Variants in TENM3 observed in about 807,000 individuals in gnomAD.
TENM3 encodes the protein teneurin transmembrane protein 3.
In TENM3, 63 loss-of-function variants were observed where a neutral mutation model predicts 255.1. The observed-to-expected ratio is 0.25, with a 90% CI of 0.20 to 0.30. TENM3 has a LOEUF of 0.30. TENM3 is among the 10% of genes least tolerant of loss of function. TENM3 has a pLI of 1.00. For missense variants in TENM3, 2,929 were observed against 3,461.1 expected (o/e 0.85, Z 3.86); for synonymous variants, 1,306 against 1,322.3 (o/e 0.99, Z 0.27).
the TENM3 span, among the ~76,000 whole-genome samples, chr4:181,500,822 C>T: frequency 2.0e-5 from 3 of 152,166 alleles, no homozygotes; most frequent in African/African-American, 7.2e-5. Flanking sequence ...CTAGAAACTG[C>T]TTGGTGTTTC....
the TENM3 span, among the ~76,000 whole-genome samples, chr4:181,574,399 C>T: frequency 2.6e-5 from 4 of 151,770 alleles, no homozygotes; most frequent in Non-Finnish European, 5.9e-5. Flanking sequence ...GGCGCGGTGG[C>T]GGGCGCCTGT....
the TENM3 span, among the ~76,000 whole-genome samples, chr4:181,995,810 A>T: frequency 2.0e-5 from 3 of 152,194 alleles, no homozygotes; most frequent in African/African-American, 7.2e-5. Flanking sequence ...TTCAGGATCC[A>T]AAACCAGATC....
At chr4:182,085,582 T>C in the TENM3 span, among the ~76,000 whole-genome samples, 4 of 152,328 alleles carry the variant, frequency 2.6e-5, no homozygotes, top group Admixed American at 1.3e-4. Context: ...TCTATTAATA[T>C]TTTTTCTTCA....
intron 1 of TENM3, among the ~76,000 whole-genome samples, chr4:182,214,596 G>A (rs1165227169): frequency 2.6e-5 from 4 of 151,550 alleles, no homozygotes; most frequent in Admixed American, 1.3e-4. Context: ...CACCTCCTGG[G>A]CTCAAGTGAT....
chr4:182,600,733 C>G (rs923705575), intron 3 of TENM3, among the ~76,000 whole-genome samples, 191 bp from the exon 4 acceptor site: 1 of 151,922 alleles, frequency 6.6e-6, no homozygotes, highest in Non-Finnish European at 1.5e-5. Flanking sequence ...CAAGGGTAAA[C>G]TTGCTCTTAG....
intron 3 of TENM3, among the ~76,000 whole-genome samples, chr4:182,347,839 T>C (rs1239409920): frequency 1.3e-5 from 2 of 152,234 alleles, no homozygotes; most frequent in African/African-American, 4.8e-5. Context: ...ATTAATGCTA[T>C]GCATATCCTA....
chr4:181,689,532 T>C, the TENM3 span, among the ~76,000 whole-genome samples: 1 of 152,144 alleles, frequency 6.6e-6, no homozygotes, highest in African/African-American at 2.4e-5. Flanking sequence ...CGGGGTACAA[T>C]TCTGGTGAAG....
chr4:182,680,822 CTT>C (rs777478431), intron 10 of TENM3, 85 bp downstream of exon 10: 13 of 1,030,630 alleles, frequency 1.3e-5, no homozygotes, highest in Non-Finnish European at 1.7e-5. Context: ...GGGCAGATCT[CTT>C]TTATACGCTT....
Position 182,752,074 on chromosome 4 carries a change from A to T in TENM3, c.3862+42A>T, listed in dbSNP as rs781058667. ...ATTTGAGGATTTCTTTTTATTTATTAAAAAAAAAAAAAAAGGGGTTGAAAA... is the reference window on the plus strand; with the variant it reads ...ATTTGAGGATTTCTTTTTATTTATTTAAAAAAAAAAAAAAGGGGTTGAAAA... On this transcript the variant is annotated intron_variant, in intron 20 of 27. Transcript: ENST00000511685. The T allele has an allele frequency of 0.014, 6,553 of 473,884 alleles. 15 individuals carry two copies. The highest frequency in any genetic ancestry group is 0.017 in the Admixed American group (148 of 8,802). The allele number at this position is 473,884 out of a possible 1,614,324, so 29.4% of individuals were successfully genotyped here.
chr4:182,443,824 G>A (rs183289114), intron 3 of TENM3, among the ~76,000 whole-genome samples: 1 of 152,256 alleles, frequency 6.6e-6, no homozygotes, highest in East Asian at 1.9e-4. Flanking sequence ...ACAAAATTAA[G>A]GACCAGTGCT....
chr4:182,098,587 TG>T, the TENM3 span, among the ~76,000 whole-genome samples: 2 of 152,110 alleles, frequency 1.3e-5, no homozygotes, highest in Non-Finnish European at 1.5e-5. Context: ...GAAAGACAAA[TG>T]TCACATGTTC....
chr4:182,259,591 G>A (rs1048983349), intron 1 of TENM3, among the ~76,000 whole-genome samples: 2 of 152,158 alleles, frequency 1.3e-5, no homozygotes, highest in Non-Finnish European at 1.5e-5. Flanking sequence ...GGGAACAGGT[G>A]TAAGCCACCA....
At chr4:182,739,863 C>T (rs1761467973) in intron 18 of TENM3, among the ~76,000 whole-genome samples, 1 of 152,130 alleles carries the variant, frequency 6.6e-6, no homozygotes, top group African/African-American at 2.4e-5. Flanking sequence ...TGATAAAACC[C>T]TGTCTCTACA....
the TENM3 span, among the ~76,000 whole-genome samples, chr4:181,788,733 T>C: frequency 6.6e-6 from 1 of 152,130 alleles, no homozygotes; most frequent in Admixed American, 6.6e-5. Flanking sequence ...GTTAGGACTA[T>C]ACTACAGGCA....
At chr4:182,583,333 CTGTGTGTG>C (rs3073440) in intron 3 of TENM3, among the ~76,000 whole-genome samples, 1,650 of 143,434 alleles carry the variant, frequency 0.012, 23 homozygotes, top group African/African-American at 0.033. Context: ...GCTTAAACCT[CTGTGTGTG>C]TGTGTGTGTG....
At chr4:182,074,698 C>T in the TENM3 span, among the ~76,000 whole-genome samples, 2 of 151,892 alleles carry the variant, frequency 1.3e-5, no homozygotes, top group Non-Finnish European at 2.9e-5. Flanking sequence ...ATGTGGTCTG[C>T]GAGAAATTAA....
the TENM3 span, among the ~76,000 whole-genome samples, chr4:181,573,065 G>C: frequency 6.6e-6 from 1 of 152,116 alleles, no homozygotes; most frequent in Non-Finnish European, 1.5e-5. Context: ...TGTTGCAGAT[G>C]ACAGGTTTCA....
At chr4:182,390,503 C>T (rs1475802973) in intron 3 of TENM3, among the ~76,000 whole-genome samples, 1 of 152,128 alleles carries the variant, frequency 6.6e-6, no homozygotes, top group Admixed American at 6.5e-5. Flanking sequence ...AGTGGGATTG[C>T]AGTACCAGTT....
the TENM3 span, among the ~76,000 whole-genome samples, chr4:181,828,262 A>G: frequency 0.084 from 12,854 of 152,224 alleles, 1,152 homozygotes; most frequent in East Asian, 0.53. Flanking sequence ...TGACTGCGGC[A>G]CCATCCTGGT....
Sources: allele counts gnomAD v4.1 joint callset (sites outside exome capture counted in the v4.1 genomes callset), GRCh38; gene constraint gnomAD v4.1.1; transcripts MANE v1.5; gene names NCBI Gene and HGNC (gene_info 2026-07-23, HGNC 2026-07-21).